ZBTB40: variants seen among roughly 807,000 people sequenced by gnomAD.
The protein encoded by ZBTB40 is zinc finger and BTB domain containing 40, also known as zinc finger and BTB domain-containing protein 40.
In ZBTB40, 60 loss-of-function variants were observed where a neutral mutation model predicts 117.5. The observed-to-expected ratio is 0.51, with a 90% confidence interval of 0.41 to 0.63. ZBTB40 has a LOEUF of 0.63. ZBTB40 is among the 30% of genes least tolerant of loss of function. The pLI is 0.00. For missense variants in ZBTB40, 1,287 were observed against 1,498.5 expected (o/e 0.86, Z 2.33); for synonymous variants, 525 against 577.1 (o/e 0.91, Z 1.29).
At chr1:22,477,669 G>C (rs1427988234) in intron 1 of ZBTB40, among the ~76,000 whole-genome samples, 1 of 148,874 alleles carries the variant, frequency 6.7e-6, no homozygotes, top group Non-Finnish European at 1.5e-5. Flanking sequence ...AAAAAGAAAA[G>C]AAAAGAAAGA....
intron 1 of ZBTB40, among the ~76,000 whole-genome samples, chr1:22,475,897 G>A (rs1017057691): frequency 7.9e-5 from 12 of 152,196 alleles, no homozygotes; most frequent in South Asian, 2.1e-4. Context: ...ATGAGGACGT[G>A]TGTATTGCTG....
At chr1:22,441,242 T>G (rs921438573) in intron 1 of ZBTB40, among the ~76,000 whole-genome samples, 1 of 152,150 alleles carries the variant, frequency 6.6e-6, no homozygotes, top group Non-Finnish European at 1.5e-5. Flanking sequence ...ACATTTCATC[T>G]AGGTTATCCA....
chr1:22,525,167 C>T lies in ZBTB40; in HGVS notation c.3525+723C>T, dbSNP rs977365708. Among the ~76,000 whole-genome samples, 10 of 152,228 alleles carry T rather than the reference C, an allele frequency of 6.6e-5. No homozygotes were observed. The South Asian group carries it at 1.2e-3, about 19-fold the overall frequency. The stretch of plus-strand genomic sequence containing the variant: ...GGGGAAGTCAGGTAGGCAGGACTCC[C>T]GCCAACACTCTGCTGTCATATCAAC... On this transcript the variant is annotated intron_variant, in intron 17 of 17. Coordinates refer to ENST00000375647, the MANE Select transcript of ZBTB40 (RefSeq NM_014870.4).
intron 11 of ZBTB40, 148 bp from the exon 12 acceptor site, chr1:22,512,776 G>A: frequency 3.5e-6 from 3 of 850,446 alleles, no homozygotes; most frequent in Non-Finnish European, 5.8e-6. Context: ...TGTGTGCAGT[G>A]GGTACCAGCG....
intron 5 of ZBTB40, among the ~76,000 whole-genome samples, chr1:22,504,414 C>T (rs1222778085): frequency 6.6e-6 from 1 of 152,092 alleles, no homozygotes; most frequent in Non-Finnish European, 1.5e-5. Context: ...ACTTTTTAAA[C>T]ATTATTAAGT....
chr1:22,501,713 G>A, intron 4 of ZBTB40, 29 bp downstream of exon 4: 1 of 1,607,136 alleles, frequency 6.2e-7, no homozygotes, highest in Non-Finnish European at 8.5e-7. Flanking sequence ...CATTGGAATG[G>A]CAGGGTTTTA....
Position 22,435,620 on chromosome 1 carries a change from CTCCTAATTTTA to C in ZBTB40, c.-70+6607_-70+6617del, listed in dbSNP as rs1018310040. 1.3e-3 allele frequency among the ~76,000 whole-genome samples: 199 copies of C among 152,214 alleles called. 2 individuals carry two copies. Among genetic ancestry groups the C allele is most frequent in the African/African-American group, 4.7e-3 (195 of 41,530 alleles). On this transcript the variant is annotated intron_variant, in intron 1 of 8. Coordinates refer to the ZBTB40 transcript ENST00000650433. ...GGTGAGAGTGGGCATCCATGTATTG[CTCCTAATTTTA>C]GGAGAAATGCACCAGGGTTTCCCAA...
In ZBTB40 at chr1:22,527,411, C is replaced by T. The variant is rs2124480257; in HGVS notation, c.*1015C>T. 6.6e-6 allele frequency: 1 copy of T among 152,488 alleles called. No individual in the cohort carries two copies. Among genetic ancestry groups the T allele is most frequent in the East Asian group, 1.9e-4 (1 of 5,322 alleles). The allele number at this position is 152,488 out of a possible 1,614,324, so 9.4% of individuals were successfully genotyped here. On this transcript the variant is annotated 3_prime_UTR_variant, in exon 18 of 18. Coordinates refer to ENST00000375647, the MANE Select transcript of ZBTB40 (RefSeq NM_014870.4). ...GCAGGCCGCCACACTTATTGCAGGTCAGTGATCCTTTGGAGTTTGAATTTC... is the reference window on the plus strand; with the variant it reads ...GCAGGCCGCCACACTTATTGCAGGTTAGTGATCCTTTGGAGTTTGAATTTC...
chr1:22,492,841 G>C (rs538384992), intron 3 of ZBTB40, among the ~76,000 whole-genome samples: 12 of 152,214 alleles, frequency 7.9e-5, no homozygotes, highest in Admixed American at 1.3e-4. Flanking sequence ...AGGACATTAT[G>C]GTTTTATATT....
chr1:22,509,345 T>G, intron 9 of ZBTB40, 112 bp downstream of exon 9: 2 of 1,483,320 alleles, frequency 1.3e-6, no homozygotes, highest in Non-Finnish European at 1.9e-6. Context: ...TTCCTTCTTT[T>G]TTTTTCCTTT....
At chr1:22,493,485 T>C (rs961885661) in intron 3 of ZBTB40, among the ~76,000 whole-genome samples, 2 of 152,222 alleles carry the variant, frequency 1.3e-5, no homozygotes, top group African/African-American at 2.4e-5. Context: ...CTTGTTGAGC[T>C]ATGACTGACA....
chr1:22,508,444 G>A, intron 7 of ZBTB40, 86 bp from the exon 8 acceptor site: 1 of 1,505,438 alleles, frequency 6.6e-7, no homozygotes, highest in South Asian at 1.1e-5. Context: ...CATATTCACT[G>A]TAACCCAATA....
At chr1:22,505,904 G>GA (rs1639063931) in intron 5 of ZBTB40, 145 bp from the exon 6 acceptor site, 5 of 775,504 alleles carry the variant, frequency 6.4e-6, no homozygotes, top group East Asian at 2.6e-5. Flanking sequence ...AAGAAACTAT[G>GA]AAAAAAAGTA....
At chr1:22,448,747 G>C (rs965624158), upstream of ZBTB40, among the ~76,000 whole-genome samples, 4 of 152,166 alleles carry the variant, frequency 2.6e-5, no homozygotes, top group Admixed American at 6.5e-5. Flanking sequence ...CTGGAAGAAA[G>C]AGTGAGATAA....
chr1:22,453,690 ACT>A (rs1209787330), intron 1 of ZBTB40, among the ~76,000 whole-genome samples: 1 of 152,178 alleles, frequency 6.6e-6, no homozygotes, highest in Non-Finnish European at 1.5e-5. Context: ...GAGGAAACAA[ACT>A]CACGTCGGAG....
chr1:22,490,483 G>T lies in ZBTB40; in HGVS notation c.535G>T (p.Ala179Ser). The part of the protein sequence containing the change: ...GPVKAETEEA[A>S]HSVSQEMSVN... Reference sequence around the variant, plus strand: ...TGTGAAAGCTGAGACTGAGGAAGCAGCCCATTCAGTTTCACAAGAGATGAG... The same window carrying T: ...TGTGAAAGCTGAGACTGAGGAAGCATCCCATTCAGTTTCACAAGAGATGAG... The change falls in exon 2 of 18, where the codon GCC becomes TCC. Residue 179 changes from alanine (A) to serine (S), a missense_variant. Coordinates refer to ENST00000375647, the MANE Select transcript of ZBTB40 (RefSeq NM_014870.4). The T allele has an allele frequency of 1.9e-6, 3 of 1,599,568 alleles. No individual in the cohort carries two copies. In the South Asian group the frequency reaches 3.4e-5, roughly 18 times the overall value.
At position 22,442,398 on chromosome 1, in the gene ZBTB40, T is replaced by C. The variant is rs1441063581; in HGVS notation, c.-70+13384T>C. Among the ~76,000 whole-genome samples, 3 of 151,900 alleles carry C rather than the reference T, an allele frequency of 2.0e-5. No individual in the cohort carries two copies. In the South Asian group the frequency reaches 6.2e-4, roughly 32 times the overall value. On this transcript the variant is annotated intron_variant, in intron 1 of 8. Coordinates refer to the ZBTB40 transcript ENST00000650433. The stretch of plus-strand genomic sequence containing the variant: ...AGGAGGCAGCCCTGAGCTTACAAAA[T>C]GATGGGTTTATATGGGGGAGAGAGA...
At chr1:22,462,105 A>G (rs1389669186) in intron 1 of ZBTB40, among the ~76,000 whole-genome samples, 4 of 152,136 alleles carry the variant, frequency 2.6e-5, no homozygotes, top group Admixed American at 2.6e-4. Context: ...TTATTTAAAA[A>G]CCACTTCATT....
chr1:22,504,528 G>C (rs1466260150), intron 5 of ZBTB40, among the ~76,000 whole-genome samples: 1 of 152,168 alleles, frequency 6.6e-6, no homozygotes, highest in African/African-American at 2.4e-5. Flanking sequence ...AGACACAGCT[G>C]TTTGGGGCTG....
Sources: allele counts gnomAD v4.1 joint callset (sites outside exome capture counted in the v4.1 genomes callset), GRCh38; gene constraint gnomAD v4.1.1; transcripts MANE v1.5; gene names NCBI Gene and HGNC (gene_info 2026-07-23, HGNC 2026-07-21).